Variants in ADCK2 observed in about 807,000 individuals in gnomAD.
ADCK2 encodes aarF domain containing kinase 2, also known as uncharacterized aarF domain-containing protein kinase 2.
A neutral mutation model predicts 52.3 loss-of-function variants in ADCK2; 37 were observed. That is an observed-to-expected ratio of 0.71 (90% CI 0.54 to 0.93). ADCK2 has a LOEUF of 0.93. Ranked by LOEUF, ADCK2 falls within the 40% of genes least tolerant of loss-of-function variation. ADCK2 has a pLI of 0.00. For synonymous variants in ADCK2, 321 were observed against 349.2 expected (o/e 0.92, Z 0.90); for missense variants, 695 against 798.7 (o/e 0.87, Z 1.56).
At chr7:140,687,380 G>A (rs1794623884) in intron 5 of ADCK2, 139 bp downstream of exon 5, 1 of 1,214,570 alleles carries the variant, frequency 8.2e-7, no homozygotes, top group Non-Finnish European at 1.1e-6. Flanking sequence ...AGGAGTTCAA[G>A]GCCAGCCTGA....
intron 4 of ADCK2, 142 bp from the exon 5 acceptor site, chr7:140,686,848 C>T (rs928934038): frequency 1.9e-6 from 2 of 1,072,802 alleles, no homozygotes; most frequent in South Asian, 1.7e-5. Context: ...GACATCTAAA[C>T]AAGAAGGGTC....
At chr7:140,684,148 A>G (rs1794565250) in intron 4 of ADCK2, among the ~76,000 whole-genome samples, 1 of 152,168 alleles carries the variant, frequency 6.6e-6, no homozygotes, top group South Asian at 2.1e-4. Context: ...CCTGGGGGTT[A>G]GGAGCCCAGA....
chr7:140,679,426 C>T (rs570657391), intron 3 of ADCK2, 143 bp downstream of exon 3: 10 of 1,244,182 alleles, frequency 8.0e-6, no homozygotes, highest in African/African-American at 3.0e-5. Context: ...GTGTTGGCCT[C>T]GGCGGGAGGC....
rs1404666118 is a variant in ADCK2, at chr7:140,694,738, C to A, written c.1816C>A (p.Pro606Thr). 6.2e-7 allele frequency: 1 copy of A among 1,614,062 alleles called. No individual in the cohort carries two copies. Among genetic ancestry groups the A allele is most frequent in the Admixed American group, 1.7e-5 (1 of 60,004 alleles). ...GGAGGGGCTTGGCCGCTCACTGGACCCCAAACTGGACATCCTGGAGGCAGC... is the reference window on the plus strand; with the variant it reads ...GGAGGGGCTTGGCCGCTCACTGGACACCAAACTGGACATCCTGGAGGCAGC... ...VLEGLGRSLD[P>T]KLDILEAARP... is the part of the protein sequence containing the mutation. Residue 606 changes from proline to threonine, a missense_variant, in exon 8 of 8, where the codon CCC (proline) becomes ACC (threonine). By Grantham distance (38) the Pro-to-Thr change is conservative (BLOSUM62 -1). Transcript: ENST00000072869.
Position 140,673,675 on chromosome 7 carries a change from CCT to C in ADCK2, c.348_349del (p.Tyr117ProfsTer66), listed in dbSNP as rs1563205059. 3.7e-6 allele frequency: 6 copies of C among 1,611,436 alleles called. No individual in the cohort carries two copies. Among genetic ancestry groups the C allele is most frequent in the Non-Finnish European group, 5.1e-6 (6 of 1,179,946 alleles). On this transcript the variant is annotated frameshift_variant, in exon 1 of 8. Transcript: ENST00000072869. LOFTEE classifies it high-confidence loss of function. This position sits in a 1 kb window ranked among gnomAD's most constrained non-coding sequence, Gnocchi z 6.4. ...TGGTGAAATTCTTCCCCCTCCTACT[CCT>C]CTACCCCCTCACCTACCTGGCTCCC... ...LLVKFFPLLLLYPLTYLAPSV... is the reference protein window; with the variant it reads ...LLVKFFPLLLXYPLTYLAPSV...
rs1302861277 is a variant in ADCK2, at chr7:140,694,843, G to A, written c.*40G>A. 1 of 1,582,668 alleles carries A rather than the reference G, an allele frequency of 6.3e-7. No homozygotes were observed. The highest frequency in any genetic ancestry group is 1.4e-5 in the African/African-American group (1 of 73,716). ...CTGTGGGCCCTTGTCAAGAGCTGGA[G>A]GCCACTCCCAAGAGCCTCTCCTATG... is the stretch of plus-strand genomic sequence containing the variant. On this transcript the variant is annotated 3_prime_UTR_variant, in exon 8 of 8. Coordinates refer to ENST00000072869, the MANE Select transcript of ADCK2 (RefSeq NM_052853.4).
In ADCK2 at chr7:140,674,748, G is replaced by A. The variant is rs1369635549; in HGVS notation, c.1071G>A (p.Met357Ile). ...PEIVEEFEKL[M>I]VQQIDLRYEA... The stretch of plus-strand genomic sequence containing the variant: ...TTGTGGAGGAATTTGAGAAGCTGAT[G>A]GTCCAACAGGTGAGTTCTCCTCCCC... Residue 357 changes from methionine (M) to isoleucine (I), a missense_variant, in exon 2 of 8, where the codon ATG becomes ATA. Physicochemically the swap from Met to Ile is conservative, Grantham distance 10. Transcript: ENST00000072869. This position sits in a 1 kb window ranked among gnomAD's most constrained non-coding sequence, Gnocchi z 4.6. 4 of 1,613,876 alleles carry A rather than the reference G, an allele frequency of 2.5e-6. No homozygotes were observed. In the African/African-American group the frequency reaches 5.3e-5, roughly 22 times the overall value.
intron 4 of ADCK2, among the ~76,000 whole-genome samples, chr7:140,684,872 G>A (rs1400602076): frequency 6.6e-6 from 1 of 152,104 alleles, no homozygotes; most frequent in Non-Finnish European, 1.5e-5. Context: ...TTTCAATTCA[G>A]TAGTTGCAGT....
In ADCK2 at chr7:140,673,449, G is replaced by C; in HGVS notation, c.119G>C (p.Cys40Ser). ...GAGTGCCCTCGCGATGCCAGGCTCTGCTGGCTTCTGCTGGGCACTTTGCCC... is the reference window on the plus strand; with the variant it reads ...GAGTGCCCTCGCGATGCCAGGCTCTCCTGGCTTCTGCTGGGCACTTTGCCC... ...PSECPRDARL[C>S]WLLLGTLPKV... The change falls in exon 1 of 8, where the codon TGC becomes TCC. Residue 40 changes from cysteine to serine, a missense_variant. Physicochemically the swap from Cys to Ser is moderately radical, Grantham distance 112 (BLOSUM62 -1). Coordinates refer to ENST00000072869, the MANE Select transcript of ADCK2 (RefSeq NM_052853.4). The surrounding 1 kb of genome is among the most constrained non-coding windows in gnomAD (Gnocchi z 6.4). 6.2e-7 allele frequency: 1 copy of C among 1,607,588 alleles called. No homozygotes were observed. The highest frequency in any genetic ancestry group is 8.5e-7 in the Non-Finnish European group (1 of 1,177,566).
In ADCK2 at chr7:140,674,861, T is replaced by G. The variant is rs1434527144; in HGVS notation, c.1080+104T>G. 2.2e-6 allele frequency: 3 copies of G among 1,345,494 alleles called. No homozygotes were observed. The African/African-American group carries it at 4.3e-5, about 20-fold the overall frequency. 83.3% of individuals were successfully genotyped at this position (1,345,494 alleles called of 1,614,324 possible). On this transcript the variant is annotated intron_variant, in intron 2 of 7. Transcript: ENST00000072869. The surrounding 1 kb of genome is among the most constrained non-coding windows in gnomAD (Gnocchi z 4.6). ...GAATAATTTTCTGGTATGTCATAAC[T>G]CATGTGATGTGTTAGAGCTGGTAAC...
chr7:140,674,586 G>A lies in ADCK2; in HGVS notation c.934-25G>A. 4.4e-6 allele frequency: 7 copies of A among 1,599,792 alleles called. No homozygotes were observed. Among genetic ancestry groups the A allele is most frequent in the Non-Finnish European group, 6.0e-6 (7 of 1,169,870 alleles). On this transcript the variant is annotated intron_variant, in intron 1 of 7. Coordinates refer to ENST00000072869, the MANE Select transcript of ADCK2 (RefSeq NM_052853.4). The surrounding 1 kb of genome is among the most constrained non-coding windows in gnomAD (Gnocchi z 4.6). ...AAAATGTGTCCAGCAGGTTTCTCCT[G>A]TCTCACGGTTCCTCTTTCTGACAGG... is the stretch of plus-strand genomic sequence containing the variant.
intron 7 of ADCK2, 62 bp from the exon 8 acceptor site, chr7:140,694,601 C>A (rs1794763687): frequency 6.6e-7 from 1 of 1,521,676 alleles, no homozygotes; most frequent in Non-Finnish European, 9.0e-7. Flanking sequence ...AGGTGATTAT[C>A]CAGAACACAC....
At chr7:140,681,884 G>C (rs141008462) in intron 4 of ADCK2, among the ~76,000 whole-genome samples, 2,127 of 152,308 alleles carry the variant, frequency 0.014, 25 homozygotes, top group Non-Finnish European at 0.022. Context: ...GCCTCCCAAA[G>C]TGTTGGGATT....
intron 7 of ADCK2, among the ~76,000 whole-genome samples, chr7:140,691,781 A>G (rs1484456849): frequency 1.3e-5 from 2 of 152,210 alleles, no homozygotes; most frequent in Non-Finnish European, 2.9e-5. Context: ...TTATCCCCTC[A>G]GTCTTCCAAG....
At position 140,673,711 on chromosome 7, in the gene ADCK2, C is replaced by T; in HGVS notation, c.381C>T (p.Ser127=). The T allele has an allele frequency of 1.2e-6, 2 of 1,612,524 alleles. No homozygotes were observed. Among genetic ancestry groups the T allele is most frequent in the Non-Finnish European group, 1.7e-6 (2 of 1,179,874 alleles). The stretch of plus-strand genomic sequence containing the variant: ...TCACCTACCTGGCTCCCAGCGTCTC[C>T]ACCCTCTGGCTCCACCTGCTTCTGA... ...YPLTYLAPSV[S]TLWLHLLLKA... is the part of the protein sequence containing the mutation. The change falls in exon 1 of 8, where the codon TCC becomes TCT. Residue 127 remains serine, a synonymous_variant. Coordinates refer to ENST00000072869, the MANE Select transcript of ADCK2 (RefSeq NM_052853.4). The surrounding 1 kb of genome is among the most constrained non-coding windows in gnomAD (Gnocchi z 6.4).
Position 140,674,414 on chromosome 7 carries a change from G to T in ADCK2, c.933+151G>T, listed in dbSNP as rs1585840911. ...TGCAAGCTGTTTCATTTATTGGCTT[G>T]AAGTGGCGGTGTGAATAGTCTGATA... On this transcript the variant is annotated intron_variant, in intron 1 of 7. Transcript: ENST00000072869. This position sits in a 1 kb window ranked among gnomAD's most constrained non-coding sequence, Gnocchi z 4.6. The T allele has an allele frequency of 8.9e-7, 1 of 1,123,574 alleles. No individual in the cohort carries two copies. Among genetic ancestry groups the T allele is most frequent in the Non-Finnish European group, 1.2e-6 (1 of 811,344 alleles). 69.6% of individuals were successfully genotyped at this position (1,123,574 alleles called of 1,614,324 possible).
At position 140,689,768 on chromosome 7, in the gene ADCK2, C is replaced by T. The variant is rs752341682; in HGVS notation, c.1686+43C>T. 3.2e-6 allele frequency: 5 copies of T among 1,565,952 alleles called. No individual in the cohort carries two copies. The South Asian group carries it at 4.7e-5, about 15-fold the overall frequency. ...GGAACAGGGGCTGGGGAGTCCATAC[C>T]TGGCCTGGGGCAGAGCAGATCCTGG... is the stretch of plus-strand genomic sequence containing the variant. On this transcript the variant is annotated intron_variant, in intron 6 of 7. Coordinates refer to ENST00000072869, the MANE Select transcript of ADCK2 (RefSeq NM_052853.4).
rs771746904 is a variant in ADCK2 at position 140,673,680 on chromosome 7, AC to A, written c.355del (p.Leu119SerfsTer17). On this transcript the variant is annotated frameshift_variant, in exon 1 of 8. Coordinates refer to ENST00000072869, the MANE Select transcript of ADCK2 (RefSeq NM_052853.4). LOFTEE classifies it high-confidence loss of function. This position sits in a 1 kb window ranked among gnomAD's most constrained non-coding sequence, Gnocchi z 6.4. ...AAATTCTTCCCCCTCCTACTCCTCT[AC>A]CCCCTCACCTACCTGGCTCCCAGCG... is the stretch of plus-strand genomic sequence containing the variant. ...LVKFFPLLLL[Y>X]PLTYLAPSVS... is the part of the protein sequence containing the mutation. The A allele has an allele frequency of 1.3e-6, 2 of 1,598,198 alleles. No homozygotes were observed. The highest frequency in any genetic ancestry group is 3.4e-5 in the Admixed American group (2 of 58,790).
chr7:140,683,404 C>A (rs1360115232), intron 4 of ADCK2, among the ~76,000 whole-genome samples: 1 of 152,174 alleles, frequency 6.6e-6, no homozygotes, highest in Non-Finnish European at 1.5e-5. Flanking sequence ...AGACGAGAGG[C>A]AGGGGAGTCA....
Sources: gnomAD v4.1 joint callset for allele counts (sites outside exome capture counted in the v4.1 genomes callset) on GRCh38, gnomAD v4.1.1 for gene constraint, Gnocchi (gnomAD v3.1) non-coding constraint, MANE v1.5 for transcripts, NCBI Gene and HGNC (gene_info 2026-07-23, HGNC 2026-07-21) for gene names.